TRAPPC11: variants seen among roughly 807,000 people sequenced by gnomAD.
TRAPPC11 encodes the protein trafficking protein particle complex subunit 11.
A neutral mutation model predicts 151.2 loss-of-function variants in TRAPPC11; 104 were observed. The ratio of observed to expected loss-of-function variants is 0.69; its 90% CI spans 0.59 to 0.81. The LOEUF is 0.81. TRAPPC11 is among the 30% of genes least tolerant of loss of function. TRAPPC11 has a pLI of 0.00. For missense variants in TRAPPC11, 1,230 were observed against 1,349.6 expected (o/e 0.91, Z 1.39); for synonymous variants, 456 against 472.3 (o/e 0.97, Z 0.45).
Position 183,694,022 on chromosome 4 carries a change from T to TA in TRAPPC11, c.2493dup (p.His832ThrfsTer35). The TA allele has an allele frequency of 6.2e-7, 1 of 1,613,896 alleles. No individual in the cohort carries two copies. The highest frequency in any genetic ancestry group is 8.5e-7 in the Non-Finnish European group (1 of 1,179,798). On this transcript the variant is annotated frameshift_variant, in exon 22 of 30. Coordinates refer to ENST00000334690, the MANE Select transcript of TRAPPC11 (RefSeq NM_021942.6). LOFTEE classifies it high-confidence loss of function. ...CTCACTGACATTCCTGTTGGAGACT[T>TA]ACATCCAGGGGAACAGGTAAACTTG... is the stretch of plus-strand genomic sequence containing the variant.
chr4:183,678,746 G>A (rs1276110586), intron 8 of TRAPPC11, among the ~76,000 whole-genome samples: 1 of 152,330 alleles, frequency 6.6e-6, no homozygotes, highest in East Asian at 1.9e-4. Flanking sequence ...GAATGGATGA[G>A]AGACTGACTT....
At chr4:183,686,473 G>T (rs1289780189) in intron 17 of TRAPPC11, 145 bp from the exon 18 acceptor site, 2 of 826,904 alleles carry the variant, frequency 2.4e-6, no homozygotes, top group African/African-American at 3.4e-5. Flanking sequence ...TAGCTCATTT[G>T]TCTCTTGAAG....
At chr4:183,667,846 C>T (rs1734960514) in intron 4 of TRAPPC11, 157 bp from the exon 5 acceptor site, 2 of 639,048 alleles carry the variant, frequency 3.1e-6, no homozygotes, top group Non-Finnish European at 5.5e-6. Context: ...AAGAACCACA[C>T]AGAGCTCTCA....
intron 5 of TRAPPC11, among the ~76,000 whole-genome samples, chr4:183,671,281 T>C (rs1735143876): frequency 6.6e-6 from 1 of 152,212 alleles, no homozygotes; most frequent in Non-Finnish European, 1.5e-5. Flanking sequence ...TTCATGCAGT[T>C]AGATTTTTGT....
intron 28 of TRAPPC11, 123 bp downstream of exon 28, chr4:183,707,063 A>G (rs1056901712): frequency 1.9e-5 from 24 of 1,243,066 alleles, no homozygotes; most frequent in Non-Finnish European, 2.5e-5. Context: ...TGTTTTGGTA[A>G]TAGTGAATTT....
chr4:183,677,253 T>C (rs1735460112), intron 7 of TRAPPC11, among the ~76,000 whole-genome samples: 1 of 152,220 alleles, frequency 6.6e-6, no homozygotes, highest in African/African-American at 2.4e-5. Context: ...AACGCACATG[T>C]CATGGTTCTG....
Position 183,712,929 on chromosome 4 carries a change from A to C in TRAPPC11, c.*285A>C. 2.6e-6 allele frequency: 1 copy of C among 390,652 alleles called. No homozygotes were observed. The highest frequency in any genetic ancestry group is 4.5e-6 in the Non-Finnish European group (1 of 219,794). 24.2% of individuals were successfully genotyped at this position (390,652 alleles called of 1,614,324 possible). A position where few individuals can be genotyped will look rare whatever the true frequency, so the allele number is the denominator to read the frequency against. ...TGAATGGTAAATTCTATGAAAAGTAAGTGATTTGCATGTATAATATCAGGA... is the reference window on the plus strand; with the variant it reads ...TGAATGGTAAATTCTATGAAAAGTACGTGATTTGCATGTATAATATCAGGA... On this transcript the variant is annotated 3_prime_UTR_variant, in exon 30 of 30. Coordinates refer to ENST00000334690, the MANE Select transcript of TRAPPC11 (RefSeq NM_021942.6).
intron 29 of TRAPPC11, among the ~76,000 whole-genome samples, chr4:183,711,622 A>G (rs1455498872): frequency 6.6e-6 from 1 of 152,214 alleles, no homozygotes; most frequent in African/African-American, 2.4e-5. Context: ...ATACTTAGCT[A>G]TGTTTCTGTA....
intron 7 of TRAPPC11, among the ~76,000 whole-genome samples, chr4:183,675,959 A>G (rs1735387532): frequency 6.6e-6 from 1 of 152,192 alleles, no homozygotes; most frequent in South Asian, 2.1e-4. Flanking sequence ...AGACAAAGGT[A>G]TTAAAAACAG....
rs149053592 is a variant in TRAPPC11, at chr4:183,695,359, G to T, written c.2628+636G>T. 7.9e-5 allele frequency among the ~76,000 whole-genome samples: 12 copies of T among 152,254 alleles called. No individual in the cohort carries two copies. The East Asian group carries it at 2.3e-3, about 29-fold the overall frequency. Reference sequence around the variant, plus strand: ...TATAGAGGGTTCTGGAGAAAAGGAGGTCGCCCTTTGAAAGGCATTTTTCTG... The same window carrying T: ...TATAGAGGGTTCTGGAGAAAAGGAGTTCGCCCTTTGAAAGGCATTTTTCTG... On this transcript the variant is annotated intron_variant, in intron 23 of 29. Coordinates refer to ENST00000334690, the MANE Select transcript of TRAPPC11 (RefSeq NM_021942.6).
At chr4:183,677,816 A>G (rs527744868) in intron 8 of TRAPPC11, among the ~76,000 whole-genome samples, 1 of 152,330 alleles carries the variant, frequency 6.6e-6, no homozygotes, top group East Asian at 1.9e-4. Context: ...CAGTGGGAGC[A>G]AGGAGGAGTT....
At chr4:183,678,253 C>T (rs1337656662) in intron 8 of TRAPPC11, among the ~76,000 whole-genome samples, 1 of 152,110 alleles carries the variant, frequency 6.6e-6, no homozygotes, top group Non-Finnish European at 1.5e-5. Flanking sequence ...AACTTTTATA[C>T]CTACTGTTTG....
rs1734713616 is a variant in TRAPPC11 at position 183,664,057 on chromosome 4, A to G, written c.190A>G (p.Lys64Glu). The change falls in exon 2 of 30, where the codon AAA becomes GAA. Residue 64 changes from lysine (K) to glutamate (E), a missense_variant. Coordinates refer to ENST00000334690, the MANE Select transcript of TRAPPC11 (RefSeq NM_021942.6). ...GCTCCCAGGTGACCATGAGTATCCC[A>G]AATGTAGACCCAAGGTAATGGCATT... ...KVLPGDHEYP[K>E]CRPKRTSYEW... 4 of 1,613,078 alleles carry G rather than the reference A, an allele frequency of 2.5e-6. No individual in the cohort carries two copies. Among genetic ancestry groups the G allele is most frequent in the Non-Finnish European group, 3.4e-6 (4 of 1,179,926 alleles).
intron 19 of TRAPPC11, 131 bp downstream of exon 19, chr4:183,691,602 TCATAATAGTTTGGGAAGTTTCCTTCAGA>T: frequency 2.0e-6 from 1 of 505,484 alleles, no homozygotes; most frequent in African/African-American, 2.0e-5. Context: ...AGGAAACCAT[TCATAATAGTTTGGGAAGTTTCCTTCAGA>T]CATTTTTCTG....
At chr4:183,684,962 T>C in intron 15 of TRAPPC11, 121 bp downstream of exon 15, 1 of 1,293,670 alleles carries the variant, frequency 7.7e-7, no homozygotes, top group Non-Finnish European at 1.1e-6. Flanking sequence ...TATGTGCAAA[T>C]CACTGTGCTT....
Position 183,712,662 on chromosome 4 carries a change from T to C in TRAPPC11, c.*18T>C. 6.2e-7 allele frequency: 1 copy of C among 1,613,862 alleles called. No individual in the cohort carries two copies. Among genetic ancestry groups the C allele is most frequent in the Non-Finnish European group, 8.5e-7 (1 of 1,179,722 alleles). On this transcript the variant is annotated 3_prime_UTR_variant, in exon 30 of 30. Transcript: ENST00000334690. ...CTGCATGATGTTCAAGACCGGCCCTTGGCTGTTGTTACAGAGATGTTGGGC... is the reference window on the plus strand; with the variant it reads ...CTGCATGATGTTCAAGACCGGCCCTCGGCTGTTGTTACAGAGATGTTGGGC...
chr4:183,681,477 T>C (rs1268087411), intron 10 of TRAPPC11, among the ~76,000 whole-genome samples: 1 of 152,134 alleles, frequency 6.6e-6, no homozygotes, highest in African/African-American at 2.4e-5. Flanking sequence ...ATAAATATCA[T>C]TGGTTAAAAT....
intron 29 of TRAPPC11, among the ~76,000 whole-genome samples, chr4:183,710,262 T>A (rs1185853936): frequency 6.6e-6 from 1 of 151,408 alleles, no homozygotes; most frequent in African/African-American, 2.4e-5. Flanking sequence ...AGTGTTTAAA[T>A]TCACAAGGAA....
Position 183,666,355 on chromosome 4 carries a change from T to G in TRAPPC11, c.303T>G (p.Tyr101Ter). ...NLVPALVVVF[Y>*]ELDWDEPQWK... ...TGCCAGCCCTGGTGGTTGTGTTCTA[T>G]GAACTGGACTGGGATGAGCCTCAGT... Residue 101 changes from tyrosine (Y) to a stop codon, truncating the protein, a stop_gained, in exon 3 of 30, where the codon TAT (tyrosine) becomes TAG (stop). Transcript: ENST00000334690. LOFTEE classifies it high-confidence loss of function. 6.2e-7 allele frequency: 1 copy of G among 1,614,190 alleles called. No individual in the cohort carries two copies. The highest frequency in any genetic ancestry group is 1.1e-5 in the South Asian group (1 of 91,088).
Sources: allele counts gnomAD v4.1 joint callset (sites outside exome capture counted in the v4.1 genomes callset), GRCh38; gene constraint gnomAD v4.1.1; transcripts MANE v1.5; gene names NCBI Gene and HGNC (gene_info 2026-07-23, HGNC 2026-07-21).